ARHGAP39: variants seen among roughly 807,000 people sequenced by gnomAD.
The protein encoded by ARHGAP39 is rho GTPase-activating protein 39.
A neutral mutation model predicts 106.9 loss-of-function variants in ARHGAP39; 44 were observed. That is an observed-to-expected ratio of 0.41 (90% CI 0.32 to 0.53). The LOEUF is 0.53. Ranked by LOEUF, ARHGAP39 falls within the 20% of genes least tolerant of loss-of-function variation. ARHGAP39 has a pLI of 0.21. For missense variants in ARHGAP39, 1,496 were observed against 1,577.3 expected (o/e 0.95, Z 0.87); for synonymous variants, 768 against 693.2 (o/e 1.11, Z -1.69).
chr8:144,549,447 T>C (rs1376792451), intron 4 of ARHGAP39, among the ~76,000 whole-genome samples: 1 of 152,222 alleles, frequency 6.6e-6, no homozygotes, highest in African/African-American at 2.4e-5. Flanking sequence ...TCCTCTCTCT[T>C]CTCTTCTGGA....
chr8:144,698,777 G>A, the ARHGAP39 span: 2 of 454,632 alleles, frequency 4.4e-6, no homozygotes, highest in Middle Eastern at 4.6e-4. Flanking sequence ...GCCATGAGTG[G>A]GTCAGGGCAT....
chr8:144,559,880 T>G (rs964833469), intron 3 of ARHGAP39, among the ~76,000 whole-genome samples: 2 of 152,224 alleles, frequency 1.3e-5, no homozygotes, highest in Non-Finnish European at 2.9e-5. Context: ...AAACAAAGTT[T>G]TGACTGTGTT....
At chr8:144,653,477 A>T (rs1563725088) in intron 1 of ARHGAP39, among the ~76,000 whole-genome samples, 2 of 152,164 alleles carry the variant, frequency 1.3e-5, no homozygotes, top group African/African-American at 4.8e-5. Context: ...GATGGAAAAA[A>T]GAGGCCCCTT....
At chr8:144,536,511 C>T (rs986660873) in intron 7 of ARHGAP39, among the ~76,000 whole-genome samples, 10 of 152,192 alleles carry the variant, frequency 6.6e-5, no homozygotes, top group African/African-American at 1.7e-4. Context: ...CTCAGGCCAC[C>T]GGACGCCAGC....
At chr8:144,573,171 C>T (rs1818644820) in intron 3 of ARHGAP39, among the ~76,000 whole-genome samples, 1 of 152,160 alleles carries the variant, frequency 6.6e-6, no homozygotes, top group Non-Finnish European at 1.5e-5. Context: ...TATTGAAGCA[C>T]TAGTCACAAT....
At chr8:144,543,581 T>G (rs1324128713) in intron 6 of ARHGAP39, among the ~76,000 whole-genome samples, 1 of 152,244 alleles carries the variant, frequency 6.6e-6, no homozygotes, top group Non-Finnish European at 1.5e-5. Flanking sequence ...GACGGTGCTG[T>G]TGGCCTTCAT....
chr8:144,699,242 G>A, the ARHGAP39 span: 4 of 108,094 alleles, frequency 3.7e-5, no homozygotes, highest in South Asian at 9.0e-4. Flanking sequence ...TGTGTTGTAG[G>A]GGAGGGCGGT....
chr8:144,575,698 A>G (rs1818746122), intron 3 of ARHGAP39, among the ~76,000 whole-genome samples: 1 of 152,134 alleles, frequency 6.6e-6, no homozygotes, highest in Admixed American at 6.5e-5. Flanking sequence ...TGCACGCTAA[A>G]TGATAAAAAC....
intron 2 of ARHGAP39, among the ~76,000 whole-genome samples, chr8:144,600,028 C>T (rs1354498743): frequency 1.3e-5 from 2 of 152,176 alleles, no homozygotes; most frequent in Non-Finnish European, 2.9e-5. Flanking sequence ...TTCTAGGAGG[C>T]GTTTGTGCGC....
intron 1 of ARHGAP39, among the ~76,000 whole-genome samples, chr8:144,685,371 G>A (rs1442989413): frequency 6.6e-6 from 1 of 151,638 alleles, no homozygotes; most frequent in Non-Finnish European, 1.5e-5. Context: ...ACCCACTTCG[G>A]GCCGGGCACA....
chr8:144,659,813 C>T (rs1336420657), intron 1 of ARHGAP39, among the ~76,000 whole-genome samples: 1 of 152,134 alleles, frequency 6.6e-6, no homozygotes, highest in African/African-American at 2.4e-5. Context: ...TTATTCAAGC[C>T]CCACTCTAAC....
intron 1 of ARHGAP39, among the ~76,000 whole-genome samples, chr8:144,628,010 C>T (rs1336860288): frequency 6.6e-6 from 1 of 152,214 alleles, no homozygotes; most frequent in African/African-American, 2.4e-5. Flanking sequence ...GGGCTGGGGG[C>T]CGTGTTCCCC....
chr8:144,672,584 C>A (rs1433431615), intron 1 of ARHGAP39, among the ~76,000 whole-genome samples: 1 of 152,196 alleles, frequency 6.6e-6, no homozygotes, highest in African/African-American at 2.4e-5. Flanking sequence ...AGTGCTCCCA[C>A]GCCTCACATC....
At chr8:144,688,037 TC>T (rs1215204497), upstream of ARHGAP39, among the ~76,000 whole-genome samples, 2 of 151,952 alleles carry the variant, frequency 1.3e-5, no homozygotes, top group African/African-American at 4.8e-5. Context: ...AGTGAGCATT[TC>T]CCACCCTGGT....
intron 1 of ARHGAP39, among the ~76,000 whole-genome samples, chr8:144,632,566 G>A (rs574527827): frequency 2.0e-4 from 30 of 152,352 alleles, no homozygotes; most frequent in African/African-American, 6.5e-4. Flanking sequence ...GGCCTGGGCC[G>A]TCAGTCCCCT....
At chr8:144,658,583 A>AT (rs1229254657) in intron 1 of ARHGAP39, among the ~76,000 whole-genome samples, 2 of 152,032 alleles carry the variant, frequency 1.3e-5, no homozygotes, top group African/African-American at 4.8e-5. Flanking sequence ...CCACTACAGC[A>AT]TTTTTTAATC....
chr8:144,652,702 T>C (rs1303013884), intron 1 of ARHGAP39, among the ~76,000 whole-genome samples: 2 of 151,568 alleles, frequency 1.3e-5, no homozygotes, highest in Non-Finnish European at 2.9e-5. Flanking sequence ...AAGTGGGAGA[T>C]AAATGATGAG....
intron 1 of ARHGAP39, among the ~76,000 whole-genome samples, chr8:144,653,432 T>G (rs537283602): frequency 1.3e-5 from 2 of 152,254 alleles, no homozygotes; most frequent in South Asian, 4.1e-4. Flanking sequence ...CACAACACCA[T>G]GCCTGGCGTC....
intron 2 of ARHGAP39, among the ~76,000 whole-genome samples, chr8:144,601,424 G>C (rs529421161): frequency 1.4e-5 from 2 of 143,692 alleles, no homozygotes; most frequent in African/African-American, 5.2e-5. Context: ...ATGGAGGCGT[G>C]CGTGCGTGCG....
Sources: gnomAD v4.1 joint callset for allele counts (sites outside exome capture counted in the v4.1 genomes callset) on GRCh38, gnomAD v4.1.1 for gene constraint, MANE v1.5 for transcripts, NCBI Gene and HGNC (gene_info 2026-07-23, HGNC 2026-07-21) for gene names.